The following PRKAR1B variants were observed in gnomAD, a reference collection of about 807,000 sequenced individuals.
The protein encoded by PRKAR1B is protein kinase cAMP-dependent type I regulatory subunit beta, also known as cAMP-dependent protein kinase type I-beta regulatory subunit.
A neutral mutation model predicts 46.5 loss-of-function variants in PRKAR1B; 22 were observed. That is an observed-to-expected ratio of 0.47 (90% confidence interval 0.34 to 0.68). PRKAR1B has a LOEUF of 0.68. PRKAR1B is among the 30% of genes least tolerant of loss of function. PRKAR1B has a pLI of 0.01. For missense variants in PRKAR1B, 445 were observed against 535.6 expected (o/e 0.83, Z 1.67); for synonymous variants, 259 against 217.7 (o/e 1.19, Z -1.67).
At chr7:710,196 G>A (rs1341773125) in intron 2 of PRKAR1B, among the ~76,000 whole-genome samples, 2 of 152,160 alleles carry the variant, frequency 1.3e-5, no homozygotes, top group African/African-American at 4.8e-5. Flanking sequence ...TGGCTCACAG[G>A]CACTCAAAGG....
In PRKAR1B at chr7:714,832, C is replaced by A. The variant is rs908456453; in HGVS notation, c.-22-3305G>T. ...GGATCCTAGAGAAATGGAGCCACGGCCGTCCTCAAACCAAACCTGAGGCCC... is the reference window on the plus strand; with the variant it reads ...GGATCCTAGAGAAATGGAGCCACGGACGTCCTCAAACCAAACCTGAGGCCC... On this transcript the variant is annotated intron_variant, in intron 1 of 10. Coordinates refer to ENST00000537384, the MANE Select transcript of PRKAR1B (RefSeq NM_001164760.2). This position sits in a 1 kb window ranked among gnomAD's most constrained non-coding sequence, Gnocchi z 4.3. Among the ~76,000 whole-genome samples the A allele has an allele frequency of 2.0e-5, 3 of 152,224 alleles. No individual in the cohort carries two copies. Among genetic ancestry groups the A allele is most frequent in the African/African-American group, 4.8e-5 (2 of 41,456 alleles).
chr7:584,263 G>A (rs541653480), intron 8 of PRKAR1B, among the ~76,000 whole-genome samples: 5 of 152,234 alleles, frequency 3.3e-5, no homozygotes, highest in Admixed American at 6.5e-5. Context: ...TGGCAGAGAC[G>A]TTGAGAAGCA....
chr7:692,929 T>A (rs1024682431), intron 2 of PRKAR1B, among the ~76,000 whole-genome samples: 4 of 151,388 alleles, frequency 2.6e-5, no homozygotes, highest in African/African-American at 9.7e-5. Context: ...TTTGAGCAGG[T>A]GAGTGGGACT....
chr7:630,142 G>C, intron 4 of PRKAR1B, among the ~76,000 whole-genome samples: 1 of 152,244 alleles, frequency 6.6e-6, no homozygotes, highest in East Asian at 1.9e-4. Flanking sequence ...CCTTGGAAGT[G>C]GAGCGCAGTG....
At chr7:594,541 C>T (rs1400283456) in intron 7 of PRKAR1B, among the ~76,000 whole-genome samples, 1 of 152,158 alleles carries the variant, frequency 6.6e-6, no homozygotes, top group Non-Finnish European at 1.5e-5. Flanking sequence ...TGCGGCCACC[C>T]AAACCACAGG....
intron 6 of PRKAR1B, among the ~76,000 whole-genome samples, chr7:599,540 G>A (rs906268801): frequency 2.6e-5 from 4 of 151,916 alleles, no homozygotes; most frequent in Non-Finnish European, 5.9e-5. Flanking sequence ...CACCCACCTC[G>A]GCCTCCCAAA....
chr7:695,703 GC>G (rs1426525893), intron 2 of PRKAR1B, among the ~76,000 whole-genome samples: 3 of 151,222 alleles, frequency 2.0e-5, no homozygotes, highest in African/African-American at 7.3e-5. Flanking sequence ...TCGCTCTGTC[GC>G]CCAGGCTGGA....
At position 714,713 on chromosome 7, in the gene PRKAR1B, C is replaced by G. The variant is rs1562361929; in HGVS notation, c.-22-3186G>C. Among the ~76,000 whole-genome samples the G allele has an allele frequency of 6.6e-6, 1 of 152,244 alleles. No individual in the cohort carries two copies. Among genetic ancestry groups the G allele is most frequent in the Admixed American group, 6.5e-5 (1 of 15,282 alleles). Reference sequence around the variant, plus strand: ...CCAGGCCTCTCTTGCTTCAGCCTTACTGGCTTGAGCCAAGGACAGACGCTT... The same window carrying G: ...CCAGGCCTCTCTTGCTTCAGCCTTAGTGGCTTGAGCCAAGGACAGACGCTT... On this transcript the variant is annotated intron_variant, in intron 1 of 10. Transcript: ENST00000537384. This position sits in a 1 kb window ranked among gnomAD's most constrained non-coding sequence, Gnocchi z 4.3.
chr7:558,208 C>T (rs1474164779), intron 9 of PRKAR1B, among the ~76,000 whole-genome samples: 2 of 151,012 alleles, frequency 1.3e-5, no homozygotes, highest in Non-Finnish European at 1.5e-5. Context: ...TGCCTGTGGT[C>T]CCAGCTACTC....
intron 4 of PRKAR1B, among the ~76,000 whole-genome samples, chr7:669,946 A>C (rs1786140550): frequency 6.9e-6 from 1 of 145,956 alleles, no homozygotes; most frequent in South Asian, 2.3e-4. Flanking sequence ...GCTCACTGCA[A>C]GCTCCGCCTC....
chr7:594,277 G>A (rs867518998), intron 7 of PRKAR1B, among the ~76,000 whole-genome samples: 2 of 152,166 alleles, frequency 1.3e-5, no homozygotes, highest in Non-Finnish European at 2.9e-5. Context: ...CGGGCATGGA[G>A]TGGAGGGAAC....
chr7:553,957 C>CAGGGGGAG (rs1438599730), intron 9 of PRKAR1B, among the ~76,000 whole-genome samples: 1 of 152,270 alleles, frequency 6.6e-6, no homozygotes. Context: ...CCACTGTGGG[C>CAGGGGGAG]AGGGGGAGAC....
chr7:637,638 A>G (rs1039882726), intron 4 of PRKAR1B, among the ~76,000 whole-genome samples: 1 of 152,124 alleles, frequency 6.6e-6, no homozygotes, highest in Non-Finnish European at 1.5e-5. Context: ...GATCGAGACC[A>G]GCCTGGCCAA....
At chr7:600,322 C>T (rs955159932) in intron 6 of PRKAR1B, among the ~76,000 whole-genome samples, 2 of 151,950 alleles carry the variant, frequency 1.3e-5, no homozygotes, top group East Asian at 3.9e-4. Flanking sequence ...CTGGGCAACA[C>T]AGCAAGACCC....
intron 4 of PRKAR1B, among the ~76,000 whole-genome samples, chr7:642,542 G>A (rs1453533556): frequency 2.6e-5 from 4 of 151,838 alleles, no homozygotes; most frequent in African/African-American, 4.8e-5. Flanking sequence ...CGGCTAAAAC[G>A]GTGAAACCCC....
rs146673911 is a variant in PRKAR1B, at chr7:682,047, G to A, written c.178-1321C>T. On this transcript the variant is annotated intron_variant, in intron 2 of 10. Transcript: ENST00000537384. ...GGGTGAATGAAGTAAGGGGAGGGAG[G>A]GAGGAAGGAAGAAGGGAGGAGGGAG... Among the ~76,000 whole-genome samples, 45 of 152,130 alleles carry A rather than the reference G, an allele frequency of 3.0e-4. No homozygotes were observed. In the East Asian group the frequency reaches 8.7e-3, roughly 29 times the overall value.
At chr7:640,541 C>T (rs966578572) in intron 4 of PRKAR1B, among the ~76,000 whole-genome samples, 2 of 151,936 alleles carry the variant, frequency 1.3e-5, no homozygotes, top group Admixed American at 1.3e-4. Flanking sequence ...GGCGGGTGGA[C>T]CACCTGAGGT....
intron 5 of PRKAR1B, 79 bp from the exon 6 acceptor site, chr7:606,318 C>A: frequency 7.2e-7 from 1 of 1,384,658 alleles, no homozygotes; most frequent in South Asian, 1.2e-5. Flanking sequence ...AAACGACTTT[C>A]GCAACACTGT....
intron 2 of PRKAR1B, among the ~76,000 whole-genome samples, chr7:704,694 A>G (rs1253622406): frequency 1.3e-5 from 2 of 152,036 alleles, no homozygotes; most frequent in Non-Finnish European, 2.9e-5. Context: ...ACTTGAACCC[A>G]GGAGGGGCGG....
Sources: gnomAD v4.1 joint callset for allele counts (sites outside exome capture counted in the v4.1 genomes callset) on GRCh38, gnomAD v4.1.1 for gene constraint, Gnocchi (gnomAD v3.1) non-coding constraint, MANE v1.5 for transcripts, NCBI Gene and HGNC (gene_info 2026-07-23, HGNC 2026-07-21) for gene names.